VPS13A: variants seen among roughly 807,000 people sequenced by gnomAD.
The protein encoded by VPS13A is intermembrane lipid transfer protein VPS13A.
A neutral mutation model predicts 390.9 loss-of-function variants in VPS13A; 264 were observed. The ratio of observed to expected loss-of-function variants is 0.68; its 90% CI spans 0.61 to 0.75. VPS13A has a LOEUF of 0.75. Ranked by LOEUF, VPS13A falls within the 30% of genes least tolerant of loss-of-function variation. The pLI is 0.00. For synonymous variants in VPS13A, 1,231 were observed against 1,227.1 expected, an observed-to-expected ratio of 1.00 and a Z score of -0.07; for missense variants, 3,409 against 3,733.9, an observed-to-expected ratio of 0.91 and a Z score of 2.27.
At chr9:77,338,461 T>A (rs1351715190) in intron 47 of VPS13A, 1 of 152,186 alleles carries the variant, frequency 6.6e-6, no homozygotes, top group Non-Finnish European at 1.5e-5. Context: ...GCAGGCTTTA[T>A]TGCTTTTCTA....
At chr9:77,376,602 A>G (rs1020345989) in intron 67 of VPS13A, among the ~76,000 whole-genome samples, 2 of 152,200 alleles carry the variant, frequency 1.3e-5, no homozygotes, top group East Asian at 3.8e-4. Context: ...TAGTACTGGA[A>G]GGGTGAGGTT....
chr9:77,228,696 G>GT (rs1823658786), intron 17 of VPS13A, among the ~76,000 whole-genome samples: 1 of 152,124 alleles, frequency 6.6e-6, no homozygotes, highest in South Asian at 2.1e-4. Context: ...CACCAGCACT[G>GT]TATTAGTCCA....
chr9:77,400,085 C>T (rs1053870060), intron 68 of VPS13A, among the ~76,000 whole-genome samples: 10 of 152,004 alleles, frequency 6.6e-5, no homozygotes, highest in African/African-American at 2.2e-4. Context: ...TGTGAAGATT[C>T]TTATATGTAT....
chr9:77,373,711 G>T (rs982068428), intron 67 of VPS13A, among the ~76,000 whole-genome samples: 1 of 151,360 alleles, frequency 6.6e-6, no homozygotes, highest in African/African-American at 2.4e-5. Flanking sequence ...CCTACAAAAT[G>T]GGAGAAAATT....
At chr9:77,323,398 G>T (rs1482835175) in intron 45 of VPS13A, among the ~76,000 whole-genome samples, 171 bp downstream of exon 45, 1 of 152,092 alleles carries the variant, frequency 6.6e-6, no homozygotes, top group East Asian at 1.9e-4. Flanking sequence ...GTTATGACGG[G>T]TGGTAGGAAT....
chr9:77,222,484 T>C (rs1189774791), intron 13 of VPS13A, among the ~76,000 whole-genome samples: 1 of 152,206 alleles, frequency 6.6e-6, no homozygotes, highest in Non-Finnish European at 1.5e-5. Context: ...AAACAAGTTT[T>C]AAGTGTATCT....
rs745609894 is a variant in VPS13A, at chr9:77,316,276, T to A, written c.4733T>A (p.Val1578Asp). 1.2e-6 allele frequency: 2 copies of A among 1,613,278 alleles called. No individual in the cohort carries two copies. Among genetic ancestry groups the A allele is most frequent in the East Asian group, 4.5e-5 (2 of 44,834 alleles). ...DMTKNDAPAL[V>D]ITTQCEICYK... ...ACAAAAAATGATGCTCCTGCTTTAG[T>A]CATTACAACACAATGTGAAATTTGC... The change falls in exon 39 of 72, where the codon GTC becomes GAC. Residue 1578 changes from valine (V) to aspartate (D), a missense_variant. Transcript: ENST00000360280.
In VPS13A at chr9:77,337,494, T is replaced by A; in HGVS notation, c.6335T>A (p.Leu2112Gln). The change falls in exon 47 of 72, where the codon CTG becomes CAG. Residue 2112 changes from leucine to glutamine, a missense_variant. Coordinates refer to ENST00000360280, the MANE Select transcript of VPS13A (RefSeq NM_033305.3). ...PYIMHLWPPI[L>Q]LRNLLPYKIA... is the part of the protein sequence containing the mutation. ...ATAATGCATTTGTGGCCACCTATCC[T>A]GCTCCGAAATCTTCTTCCTTACAAA... 1 of 1,613,110 alleles carries A rather than the reference T, an allele frequency of 6.2e-7. No individual in the cohort carries two copies.
At position 77,228,129 on chromosome 9, in the gene VPS13A, C is replaced by A. The variant is rs771098657; in HGVS notation, c.1460C>A (p.Ala487Asp). The A allele has an allele frequency of 6.3e-7, 1 of 1,597,850 alleles. No homozygotes were observed. The change falls in exon 17 of 72, where the codon GCC becomes GAC. Residue 487 changes from alanine to aspartate, a missense_variant. By Grantham distance (126) the Ala-to-Asp change is moderately radical. This residue lies in a region of VPS13A where 2,717 missense variants were observed against 2,917.4 expected (regional missense o/e 0.93). Transcript: ENST00000360280. ...CTTCTGAATATACCTTAGTTTGAAGCCTTGAAGTTTTTTGTCCACTTGAAA... is the reference window on the plus strand; with the variant it reads ...CTTCTGAATATACCTTAGTTTGAAGACTTGAAGTTTTTTGTCCACTTGAAA... ...VDPTLLKTFE[A>D]LKFFVHLKSM... is the part of the protein sequence containing the mutation.
rs1835205534 is a variant in VPS13A at position 77,417,476 on chromosome 9, G to GAACTT, written c.*1473_*1477dup. 6.6e-6 allele frequency: 1 copy of GAACTT among 150,958 alleles called. No homozygotes were observed. The highest frequency in any genetic ancestry group is 2.4e-5 in the African/African-American group (1 of 41,110). The allele number at this position is 150,958 out of a possible 1,614,324, so 9.4% of individuals were successfully genotyped here. A position where few individuals can be genotyped will look rare whatever the true frequency, so the allele number is the denominator to read the frequency against. ...CCCCCAAAATGCTTTTTTCTTTGCT[G>GAACTT]AACTTAAATTGAATCAAACCACAAG... On this transcript the variant is annotated 3_prime_UTR_variant, in exon 72 of 72. Transcript: ENST00000360280.
intron 25 of VPS13A, 56 bp downstream of exon 25, chr9:77,275,708 C>T: frequency 6.5e-7 from 1 of 1,545,500 alleles, no homozygotes; most frequent in Non-Finnish European, 8.9e-7. Context: ...TCTATATTTA[C>T]AGCTTACTAT....
chr9:77,330,277 A>G (rs1173196572), intron 45 of VPS13A, among the ~76,000 whole-genome samples: 1 of 152,086 alleles, frequency 6.6e-6, no homozygotes, highest in Non-Finnish European at 1.5e-5. Context: ...CAGCCTCCCA[A>G]AGTGCTGGAA....
intron 67 of VPS13A, among the ~76,000 whole-genome samples, chr9:77,379,754 T>C (rs1218091276): frequency 6.6e-6 from 1 of 152,218 alleles, no homozygotes; most frequent in African/African-American, 2.4e-5. Flanking sequence ...TATTGAGACA[T>C]GTTTTATGAC....
At chr9:77,339,153 T>A (rs989644453) in intron 47 of VPS13A, 1 of 228,650 alleles carries the variant, frequency 4.4e-6, no homozygotes, top group African/African-American at 2.3e-5. Flanking sequence ...GTTTTGTAGT[T>A]TTCAAAATAA....
chr9:77,214,456 C>G (rs1822737309), intron 10 of VPS13A, 70 bp downstream of exon 10: 1 of 1,266,368 alleles, frequency 7.9e-7, no homozygotes, highest in Admixed American at 1.7e-5. Context: ...AGCATTGTTG[C>G]TATCACTGTG....
intron 71 of VPS13A, among the ~76,000 whole-genome samples, chr9:77,408,651 G>A (rs1187177949): frequency 1.3e-5 from 2 of 152,214 alleles, no homozygotes; most frequent in Non-Finnish European, 2.9e-5. Flanking sequence ...TATATCCCAT[G>A]CCTGGCTCGG....
chr9:77,403,216 C>T lies in VPS13A; in HGVS notation c.9190-20C>T, dbSNP rs140755181. Reference sequence around the variant, plus strand: ...GAAATACTATCAATTTTCTCATTGTCTCTCACTTTTTTCTTTTAGGTCATG... The same window carrying T: ...GAAATACTATCAATTTTCTCATTGTTTCTCACTTTTTTCTTTTAGGTCATG... On this transcript the variant is annotated intron_variant, in intron 68 of 71. Coordinates refer to ENST00000360280, the MANE Select transcript of VPS13A (RefSeq NM_033305.3). 1,013 of 1,570,910 alleles carry T rather than the reference C, an allele frequency of 6.4e-4. 7 individuals are homozygous for T. In the African/African-American group the frequency reaches 0.012, roughly 19 times the overall value.
rs1019826767 is a variant in VPS13A, at chr9:77,406,105, G to GT, written c.9399+122dup. 4.4e-6 allele frequency: 6 copies of GT among 1,366,540 alleles called. No homozygotes were observed. The African/African-American group carries it at 7.2e-5, about 16-fold the overall frequency. The allele number at this position is 1,366,540 out of a possible 1,614,324, so 84.7% of individuals were successfully genotyped here. Reference sequence around the variant, plus strand: ...ATAGATGTCACTTTGTCCTGGTGTGGTTTTCCCTTATACCTGCTATCTTAC... The same window carrying GT: ...ATAGATGTCACTTTGTCCTGGTGTGGTTTTTCCCTTATACCTGCTATCTTAC... On this transcript the variant is annotated intron_variant, in intron 70 of 71. Coordinates refer to ENST00000360280, the MANE Select transcript of VPS13A (RefSeq NM_033305.3).
rs1835230842 is a variant in VPS13A, at chr9:77,418,239, G to A, written c.*2233G>A. ...AAATTTAAGCTTGTCTTAGTTGTTT[G>A]GTAGTGGCTATGGAATGAGAGGTGT... On this transcript the variant is annotated 3_prime_UTR_variant, in exon 72 of 72. Coordinates refer to ENST00000360280, the MANE Select transcript of VPS13A (RefSeq NM_033305.3). 1 of 146,396 alleles carries A rather than the reference G, an allele frequency of 6.8e-6. No homozygotes were observed. The highest frequency in any genetic ancestry group is 2.2e-4 in the South Asian group (1 of 4,570). The allele number at this position is 146,396 out of a possible 1,614,324, so 9.1% of individuals were successfully genotyped here. A position where few individuals can be genotyped will look rare whatever the true frequency, so the allele number is the denominator to read the frequency against.
Sources: allele counts gnomAD v4.1 joint callset (sites outside exome capture counted in the v4.1 genomes callset), GRCh38; gene constraint gnomAD v4.1.1; regional missense constraint gnomAD v4.1.1; transcripts MANE v1.5; gene names NCBI Gene and HGNC (gene_info 2026-07-23, HGNC 2026-07-21).